The following TMPRSS4 variants were observed in gnomAD, a reference collection of about 807,000 sequenced individuals.
TMPRSS4 encodes the protein transmembrane protease serine 4.
TMPRSS4 carries 45 observed loss-of-function variants against 56.4 expected under a neutral mutation model. The ratio of observed to expected loss-of-function variants is 0.80; its 90% CI spans 0.63 to 1.02. TMPRSS4 has a LOEUF of 1.02. TMPRSS4 is among the 50% of genes least tolerant of loss of function. The probability of loss-of-function intolerance (pLI) is 0.00; values close to 1 mark genes in which losing one functional copy is unlikely to be tolerated. For missense variants in TMPRSS4, 546 were observed against 556.7 expected, an observed-to-expected ratio of 0.98 and a Z score of 0.19; for synonymous variants, 205 against 211.0, an observed-to-expected ratio of 0.97 and a Z score of 0.25.
intron 1 of TMPRSS4, among the ~76,000 whole-genome samples, chr11:118,080,949 C>T (rs1591331094): frequency 2.0e-5 from 3 of 152,204 alleles, no homozygotes; most frequent in Admixed American, 2.0e-4. Context: ...CTCCTCCAAA[C>T]CTAAAGTGCA....
intron 4 of TMPRSS4, among the ~76,000 whole-genome samples, chr11:118,104,040 C>G (rs1470414303): frequency 6.6e-6 from 1 of 151,596 alleles, no homozygotes; most frequent in Non-Finnish European, 1.5e-5. Flanking sequence ...AGCATAAAAT[C>G]CACGTTCTCT....
At chr11:118,099,497 G>A (rs1024385268) in intron 3 of TMPRSS4, among the ~76,000 whole-genome samples, 3 of 151,786 alleles carry the variant, frequency 2.0e-5, no homozygotes, top group African/African-American at 7.3e-5. Context: ...AAGAAAGAAA[G>A]AAAGACATGT....
chr11:118,123,169 C>G (rs75080220), downstream of TMPRSS4, among the ~76,000 whole-genome samples: 8,029 of 151,946 alleles, frequency 0.053, 672 homozygotes, highest in African/African-American at 0.18. Flanking sequence ...CTCATATCAT[C>G]CCACGGATCC....
At chr11:118,096,227 G>C (rs1440254166) in intron 2 of TMPRSS4, among the ~76,000 whole-genome samples, 1 of 152,224 alleles carries the variant, frequency 6.6e-6, no homozygotes, top group African/African-American at 2.4e-5. Flanking sequence ...AAGCTACTTT[G>C]TGCCAGGTCA....
At chr11:118,098,227 T>C (rs1274589956) in intron 2 of TMPRSS4, among the ~76,000 whole-genome samples, 1 of 151,728 alleles carries the variant, frequency 6.6e-6, no homozygotes, top group Non-Finnish European at 1.5e-5. Context: ...AACTTGCCTT[T>C]ATTCCCCTGG....
At position 118,103,236 on chromosome 11, in the gene TMPRSS4, A is replaced by T; in HGVS notation, c.293A>T (p.Glu98Val). The T allele has an allele frequency of 6.2e-7, 1 of 1,613,822 alleles. No individual in the cohort carries two copies. ...GAGCACTGTGTCAAGAGCTTCCCCGAAGGGCCTGCAGTGGCAGGTGAGTGC... is the reference window on the plus strand; with the variant it reads ...GAGCACTGTGTCAAGAGCTTCCCCGTAGGGCCTGCAGTGGCAGGTGAGTGC... ...DEEHCVKSFPEGPAVAVRLSK... is the reference protein window; with the variant it reads ...DEEHCVKSFPVGPAVAVRLSK... The change falls in exon 4 of 13, where the codon GAA (glutamate) becomes GTA (valine). Residue 98 changes from glutamate (E) to valine (V), a missense_variant. By Grantham distance (121) the Glu-to-Val change is moderately radical. Coordinates refer to ENST00000437212, the MANE Select transcript of TMPRSS4 (RefSeq NM_019894.4).
At chr11:118,078,013 C>CAAAAAAAAAAAA (rs148383275) in intron 1 of TMPRSS4, among the ~76,000 whole-genome samples, 2 of 71,050 alleles carry the variant, frequency 2.8e-5, no homozygotes, top group African/African-American at 5.5e-5. Context: ...AACTCCGTCT[C>CAAAAAAAAAAAA]AAAAAAAAAA....
At chr11:118,093,910 G>C (rs1380990305) in intron 1 of TMPRSS4, among the ~76,000 whole-genome samples, 1 of 151,594 alleles carries the variant, frequency 6.6e-6, no homozygotes, top group Non-Finnish European at 1.5e-5. Flanking sequence ...TACTTTTTGT[G>C]ACTATTTTCT....
intron 1 of TMPRSS4, among the ~76,000 whole-genome samples, chr11:118,083,861 T>A (rs1945338971): frequency 6.6e-6 from 1 of 152,064 alleles, no homozygotes; most frequent in Non-Finnish European, 1.5e-5. Context: ...AAGACCAGCC[T>A]GGCCAACATG....
intron 3 of TMPRSS4, 121 bp downstream of exon 3, chr11:118,099,219 A>G (rs1053635324): frequency 2.8e-6 from 2 of 714,052 alleles, no homozygotes; most frequent in Admixed American, 2.4e-5. Flanking sequence ...CCCCTCAGTA[A>G]GAGGCAGTCC....
chr11:118,114,699 C>A (rs1947448083), intron 9 of TMPRSS4, 130 bp from the exon 10 acceptor site: 2 of 997,830 alleles, frequency 2.0e-6, no homozygotes, highest in Non-Finnish European at 3.0e-6. Context: ...TGTTTACTAT[C>A]TGCAGGAATT....
Position 118,103,093 on chromosome 11 carries a change from C to A in TMPRSS4, c.158-8C>A, listed in dbSNP as rs199977553. ...CCCTCTCTGCCTCTCCCTGCACTTG[C>A]CTTCCAGTCAAGGTGATTCTGGATA... On this transcript the variant is annotated splice_region_variant and splice_polypyrimidine_tract_variant and intron_variant, in intron 3 of 12. Coordinates refer to ENST00000437212, the MANE Select transcript of TMPRSS4 (RefSeq NM_019894.4). 5.6e-6 allele frequency: 9 copies of A among 1,613,944 alleles called. No homozygotes were observed. In the African/African-American group the frequency reaches 1.2e-4, roughly 21 times the overall value.
chr11:118,078,823 C>T (rs1944897602), intron 1 of TMPRSS4, among the ~76,000 whole-genome samples: 1 of 152,194 alleles, frequency 6.6e-6, no homozygotes, highest in African/African-American at 2.4e-5. Context: ...CGAGACTCAC[C>T]TTCTCCCCTG....
chr11:118,104,430 G>C (rs1565431286), intron 4 of TMPRSS4, among the ~76,000 whole-genome samples: 1 of 152,000 alleles, frequency 6.6e-6, no homozygotes, highest in Non-Finnish European at 1.5e-5. Flanking sequence ...GCAAAAGGGG[G>C]CACTATTAAC....
At chr11:118,099,899 T>C (rs563744981) in intron 3 of TMPRSS4, among the ~76,000 whole-genome samples, 14 of 152,312 alleles carry the variant, frequency 9.2e-5, no homozygotes, top group African/African-American at 3.1e-4. Context: ...CAGGCCCTTA[T>C]CTGTGATAAA....
chr11:118,079,065 G>C (rs893375272), intron 1 of TMPRSS4, among the ~76,000 whole-genome samples: 1 of 152,122 alleles, frequency 6.6e-6, no homozygotes, highest in Admixed American at 6.5e-5. Context: ...GCGGGGGAGG[G>C]CAGGTGGGAA....
chr11:118,111,866 C>A lies in TMPRSS4; in HGVS notation c.709C>A (p.Pro237Thr). 6.2e-7 allele frequency: 1 copy of A among 1,609,684 alleles called. No homozygotes were observed. Among genetic ancestry groups the A allele is most frequent in the Non-Finnish European group, 8.5e-7 (1 of 1,178,206 alleles). The change falls in exon 8 of 13, where the codon CCC (proline) becomes ACC (threonine). Residue 237 changes from proline (P) to threonine (T), a missense_variant. Physicochemically the swap from Pro to Thr is conservative, Grantham distance 38 (BLOSUM62 -1). Coordinates refer to ENST00000437212, the MANE Select transcript of TMPRSS4 (RefSeq NM_019894.4). ...CGTCTGTGGAGGGAGCATCCTGGAC[C>A]CCCACTGGGTCCTCACGGCAGCCCA... ...QHVCGGSILD[P>T]HWVLTAAHCF...
chr11:118,117,503 C>G, intron 12 of TMPRSS4, 49 bp downstream of exon 12: 3 of 1,571,768 alleles, frequency 1.9e-6, no homozygotes, highest in Non-Finnish European at 2.6e-6. Flanking sequence ...AGTCCTCTAC[C>G]TGGGGGGTGC....
downstream of TMPRSS4, among the ~76,000 whole-genome samples, chr11:118,123,526 C>CT (rs75793329): frequency 0.056 from 8,520 of 151,474 alleles, 811 homozygotes; most frequent in East Asian, 0.4. Context: ...ACTGTTATGT[C>CT]TTTTTTTTTG....
Sources: gnomAD v4.1 joint callset for allele counts (sites outside exome capture counted in the v4.1 genomes callset) on GRCh38, gnomAD v4.1.1 for gene constraint, MANE v1.5 for transcripts, NCBI Gene and HGNC (gene_info 2026-07-23, HGNC 2026-07-21) for gene names.